The following MCTP2 variants were observed in gnomAD, a reference collection of about 807,000 sequenced individuals.
The protein encoded by MCTP2 is multiple C2 and transmembrane domain containing 2, also known as multiple C2 and transmembrane domain-containing protein 2.
MCTP2 carries 132 observed loss-of-function variants against 111.6 expected under a neutral mutation model. The ratio of observed to expected loss-of-function variants is 1.18; its 90% confidence interval spans 1.03 to 1.37. MCTP2 has a LOEUF of 1.37. Ranked by LOEUF, MCTP2 falls within the 40% of genes most tolerant of loss-of-function variation. The pLI is 0.00. For synonymous variants in MCTP2, 395 were observed against 387.7 expected (o/e 1.02, Z -0.22); for missense variants, 1,183 against 1,067.9 (o/e 1.11, Z -1.50).
chr15:94,366,445 A>G (rs1286420206), intron 10 of MCTP2, among the ~76,000 whole-genome samples: 1 of 152,172 alleles, frequency 6.6e-6, no homozygotes, highest in Non-Finnish European at 1.5e-5. Flanking sequence ...TGTCATATTT[A>G]TTTGGAAAAG....
chr15:94,285,958 A>G (rs1310911873), intron 1 of MCTP2, among the ~76,000 whole-genome samples: 1 of 152,188 alleles, frequency 6.6e-6, no homozygotes, highest in Non-Finnish European at 1.5e-5. Flanking sequence ...GTTTCTGTCC[A>G]CGTGGTATAA....
chr15:94,433,791 T>C (rs1440975680), intron 17 of MCTP2, among the ~76,000 whole-genome samples: 1 of 152,220 alleles, frequency 6.6e-6, no homozygotes, highest in Non-Finnish European at 1.5e-5. Flanking sequence ...TTTTAGCCCT[T>C]CTAATACATG....
rs559674660 is a variant in MCTP2 at position 94,465,255 on chromosome 15, A to C, written c.2361-5078A>C. On this transcript the variant is annotated intron_variant, in intron 20 of 22. Coordinates refer to ENST00000357742, the MANE Select transcript of MCTP2 (RefSeq NM_001385001.1). ...TTGACCAATATTGGTATGGCTATACAGTAGTCCCCTATTATCCATGGGGGA... is the reference window on the plus strand; with the variant it reads ...TTGACCAATATTGGTATGGCTATACCGTAGTCCCCTATTATCCATGGGGGA... 9.2e-5 allele frequency among the ~76,000 whole-genome samples: 14 copies of C among 152,276 alleles called. No homozygotes were observed. The South Asian group carries it at 2.7e-3, about 29-fold the overall frequency.
In MCTP2 at chr15:94,428,963, A is replaced by G. The variant is rs371277432; in HGVS notation, c.2086-11213A>G. 9.2e-5 allele frequency among the ~76,000 whole-genome samples: 14 copies of G among 152,094 alleles called. No individual in the cohort carries two copies. In the East Asian group the frequency reaches 1.3e-3, roughly 15 times the overall value. On this transcript the variant is annotated intron_variant, in intron 17 of 22. Coordinates refer to ENST00000357742, the MANE Select transcript of MCTP2 (RefSeq NM_001385001.1). Reference sequence around the variant, plus strand: ...ATATTTAGTGCATCCTGACAATTGTATTACACTTCTATAATCCACTCTCCT... The same window carrying G: ...ATATTTAGTGCATCCTGACAATTGTGTTACACTTCTATAATCCACTCTCCT...
intron 1 of MCTP2, among the ~76,000 whole-genome samples, chr15:94,274,294 A>G (rs2074068454): frequency 6.6e-6 from 1 of 152,230 alleles, no homozygotes; most frequent in South Asian, 2.1e-4. Context: ...TTATAACATC[A>G]AATGCATAAA....
chr15:94,387,188 A>G (rs765687708), intron 14 of MCTP2, among the ~76,000 whole-genome samples: 35 of 150,122 alleles, frequency 2.3e-4, no homozygotes, highest in Non-Finnish European at 3.8e-4. Context: ...TCCCTAGAAG[A>G]TCTAAGAAGT....
chr15:94,421,029 C>T (rs1286999338), intron 17 of MCTP2, among the ~76,000 whole-genome samples: 2 of 151,918 alleles, frequency 1.3e-5, no homozygotes, highest in African/African-American at 2.4e-5. Context: ...CATCAGCCAT[C>T]AACATTGAGG....
At chr15:94,426,080 C>T (rs1358649276) in intron 17 of MCTP2, among the ~76,000 whole-genome samples, 1 of 151,078 alleles carries the variant, frequency 6.6e-6, no homozygotes, top group East Asian at 1.9e-4. Context: ...TTCAAACTTG[C>T]TTTTGACCAT....
At chr15:94,235,049 C>T (rs1179504540) in intron 1 of MCTP2, among the ~76,000 whole-genome samples, 6 of 152,180 alleles carry the variant, frequency 3.9e-5, no homozygotes, top group Middle Eastern at 3.4e-3. Context: ...GTCAGGAGTT[C>T]GAGACCGGCC....
At chr15:94,384,914 CCTGGTATCTGGCTT>C (rs1424235165) in intron 13 of MCTP2, among the ~76,000 whole-genome samples, 1 of 152,098 alleles carries the variant, frequency 6.6e-6, no homozygotes, top group East Asian at 1.9e-4. Flanking sequence ...TTTCATTGTC[CCTGGTATCTGGCTT>C]CTGGTCAATA....
chr15:94,328,318 C>T (rs546491597), intron 4 of MCTP2, among the ~76,000 whole-genome samples: 98 of 151,868 alleles, frequency 6.5e-4, no homozygotes, highest in East Asian at 3.9e-3. Context: ...TTAGTAGAGA[C>T]GGGGTTTCAC....
At position 94,464,257 on chromosome 15, in the gene MCTP2, T is replaced by TATATTATATATATATATATATATTA. The variant is rs4001978; in HGVS notation, c.2360+6011_2360+6012insATATTATATATATATATATATATTA. 9.7e-3 allele frequency among the ~76,000 whole-genome samples: 435 copies of TATATTATATATATATATATATATTA among 44,712 alleles called. 6 individuals carry two copies. Among genetic ancestry groups the TATATTATATATATATATATATATTA allele is most frequent in the African/African-American group, 0.025 (417 of 16,464 alleles). The allele number at this position is 44,712 out of a possible 152,430, so 29.3% of individuals were successfully genotyped here. Reference sequence around the variant, plus strand: ...TATATATAATATATATATATATATATTATATATATATATATATATATAAAC... The same window carrying TATATTATATATATATATATATATTA: ...TATATATAATATATATATATATATATATATTATATATATATATATATATTATATATATATATATATATATATAAAC... On this transcript the variant is annotated intron_variant, in intron 20 of 22. Coordinates refer to ENST00000357742, the MANE Select transcript of MCTP2 (RefSeq NM_001385001.1).
Position 94,298,205 on chromosome 15 carries a change from C to A in MCTP2, c.-61C>A. 4 of 1,221,458 alleles carry A rather than the reference C, an allele frequency of 3.3e-6. No individual in the cohort carries two copies. Among genetic ancestry groups the A allele is most frequent in the Non-Finnish European group, 4.5e-6 (4 of 893,816 alleles). The allele number at this position is 1,221,458 out of a possible 1,614,324, so 75.7% of individuals were successfully genotyped here. A position where few individuals can be genotyped will look rare whatever the true frequency, so the allele number is the denominator to read the frequency against. Reference sequence around the variant, plus strand: ...TTGTTTTTTTCTGTTTTATAGGAGTCATTGCAGTTTTCAGTAGAGGTGTAC... The same window carrying A: ...TTGTTTTTTTCTGTTTTATAGGAGTAATTGCAGTTTTCAGTAGAGGTGTAC... On this transcript the variant is annotated 5_prime_UTR_variant, in exon 2 of 23. Transcript: ENST00000357742.
intron 4 of MCTP2, among the ~76,000 whole-genome samples, chr15:94,336,502 C>T (rs1232471236): frequency 6.6e-6 from 1 of 151,954 alleles, no homozygotes; most frequent in African/African-American, 2.4e-5. Flanking sequence ...CGGAAATGGC[C>T]GGAAGCTGTT....
Position 94,295,460 on chromosome 15 carries a change from G to A in MCTP2, c.-65-2741G>A, listed in dbSNP as rs771666942. Among the ~76,000 whole-genome samples the A allele has an allele frequency of 6.6e-4, 100 of 151,978 alleles. 1 individual carries two copies. Among genetic ancestry groups the A allele is most frequent in the Admixed American group, 1.7e-3 (26 of 15,264 alleles). ...TTGTACAGTATCCCACTGTGTGAGC[G>A]CATCTGAAGCTGCTCCCACAGAAAC... On this transcript the variant is annotated intron_variant, in intron 1 of 22. Coordinates refer to ENST00000357742, the MANE Select transcript of MCTP2 (RefSeq NM_001385001.1).
At chr15:94,245,873 C>T (rs1384917070) in intron 1 of MCTP2, among the ~76,000 whole-genome samples, 1 of 151,874 alleles carries the variant, frequency 6.6e-6, no homozygotes, top group Non-Finnish European at 1.5e-5. Flanking sequence ...CACGTTTAAA[C>T]AGGGCAATAG....
At chr15:94,466,135 T>C (rs889657255) in intron 20 of MCTP2, among the ~76,000 whole-genome samples, 1 of 152,194 alleles carries the variant, frequency 6.6e-6, no homozygotes, top group African/African-American at 2.4e-5. Flanking sequence ...TTCTTTTGGA[T>C]TATATCTTCA....
intron 1 of MCTP2, among the ~76,000 whole-genome samples, chr15:94,256,275 G>C (rs75893937): frequency 0.011 from 1,733 of 152,206 alleles, 32 homozygotes; most frequent in African/African-American, 0.039. Context: ...TTAGTGTTTA[G>C]ACTTGGGTCC....
At chr15:94,374,293 T>C (rs11634565) in intron 12 of MCTP2, among the ~76,000 whole-genome samples, 28,660 of 152,230 alleles carry the variant, frequency 0.19, 3,281 homozygotes, top group African/African-American at 0.3. Flanking sequence ...CAGATTATGT[T>C]ACCTTTCAGT....
Sources: gnomAD v4.1 joint callset for allele counts (sites outside exome capture counted in the v4.1 genomes callset) on GRCh38, gnomAD v4.1.1 for gene constraint, MANE v1.5 for transcripts, NCBI Gene and HGNC (gene_info 2026-07-23, HGNC 2026-07-21) for gene names.